The following TRMT9B variants were observed in gnomAD, a reference collection of about 807,000 sequenced individuals.
The protein encoded by TRMT9B is tRNA methyltransferase 9B (putative).
A neutral mutation model predicts 11.5 loss-of-function variants in TRMT9B; 16 were observed. The observed-to-expected ratio is 1.39, with a 90% CI of 0.94 to 2.11. The LOEUF is 2.11. Ranked by LOEUF, TRMT9B falls within the 30% of genes most tolerant of loss-of-function variation. The pLI is 0.00. For missense variants in TRMT9B, 941 were observed against 553.8 expected, an observed-to-expected ratio of 1.70 and a Z score of -7.02; for synonymous variants, 274 against 192.4, an observed-to-expected ratio of 1.42 and a Z score of -3.51.
rs60362859 is a variant in TRMT9B, at chr8:13,028,694, G to T, written c.*6650G>T. 2 of 151,302 alleles carry T rather than the reference G, an allele frequency of 1.3e-5. No individual in the cohort carries two copies. Among genetic ancestry groups the T allele is most frequent in the African/African-American group, 2.5e-5 (1 of 40,644 alleles). The allele number at this position is 151,302 out of a possible 1,614,324, so 9.4% of individuals were successfully genotyped here. Reference sequence around the variant, plus strand: ...AGGTTTAAGCAATTCTCGTGCCTCAGCCTCCTGAATAGCTGGGATTACAGG... The same window carrying T: ...AGGTTTAAGCAATTCTCGTGCCTCATCCTCCTGAATAGCTGGGATTACAGG... On this transcript the variant is annotated 3_prime_UTR_variant, in exon 5 of 5. Coordinates refer to ENST00000524591, the MANE Select transcript of TRMT9B (RefSeq NM_020844.3).
rs188776917 is a variant in TRMT9B, at chr8:12,973,008, C to T, written c.-199-17826C>T. On this transcript the variant is annotated intron_variant, in intron 1 of 4. Coordinates refer to ENST00000524591, the MANE Select transcript of TRMT9B (RefSeq NM_020844.3). ...CCCTTTTACCCTGACTCCCCAGGCC[C>T]TGGGAGCCACCATTCTGCTTTCTGT... Among the ~76,000 whole-genome samples, 3 of 152,294 alleles carry T rather than the reference C, an allele frequency of 2.0e-5. No homozygotes were observed. The East Asian group carries it at 5.8e-4, about 29-fold the overall frequency.
intron 1 of TRMT9B, among the ~76,000 whole-genome samples, chr8:12,958,932 C>T (rs569396176): frequency 9.9e-5 from 15 of 152,018 alleles, no homozygotes; most frequent in East Asian, 9.7e-4. Context: ...CATCACACAC[C>T]GGGGCTTGTC....
intron 3 of TRMT9B, chr8:13,010,267 A>G: frequency 7.8e-6 from 7 of 898,106 alleles, no homozygotes; most frequent in Non-Finnish European, 9.3e-6. Context: ...CATTTTTTAA[A>G]CTATTCAATA....
chr8:12,978,722 C>T (rs183682818), intron 1 of TRMT9B, among the ~76,000 whole-genome samples: 9 of 152,266 alleles, frequency 5.9e-5, no homozygotes, highest in Middle Eastern at 6.8e-3. Context: ...ACATACACAG[C>T]GTCTCAACTC....
intron 1 of TRMT9B, among the ~76,000 whole-genome samples, chr8:12,973,528 T>C (rs1563337641): frequency 2.0e-5 from 3 of 152,152 alleles, no homozygotes; most frequent in Non-Finnish European, 2.9e-5. Context: ...CTACTTTCAC[T>C]GAAGAGAGAA....
Position 13,006,256 on chromosome 8 carries a change from G to A in TRMT9B, c.54G>A (p.Glu18=), listed in dbSNP as rs765404546. 108 of 1,613,862 alleles carry A rather than the reference G, an allele frequency of 6.7e-5. No homozygotes were observed. Among genetic ancestry groups the A allele is most frequent in the Admixed American group, 2.3e-4 (14 of 59,992 alleles). Residue 18 remains glutamate, a synonymous_variant, in exon 3 of 5, where the codon GAG becomes GAA. Transcript: ENST00000524591. ...AGCAGCATGTGCACAATGTGTACGA[G>A]AGCACAGCCCCTTACTTCAGCGACC... The part of the protein sequence containing the change: ...LEKQHVHNVY[E]STAPYFSDLQ...
intron 3 of TRMT9B, chr8:13,011,561 G>C: frequency 1.1e-6 from 1 of 935,284 alleles, no homozygotes; most frequent in Non-Finnish European, 1.3e-6. Context: ...ATATATCTGT[G>C]ATAGAATATA....
At chr8:13,015,446 G>A (rs1015058405) in intron 4 of TRMT9B, among the ~76,000 whole-genome samples, 1 of 151,960 alleles carries the variant, frequency 6.6e-6, no homozygotes, top group Non-Finnish European at 1.5e-5. Context: ...CTACCTCCTG[G>A]TCTCAGGTTA....
At chr8:12,962,199 T>A (rs1802211354) in intron 1 of TRMT9B, 1 of 152,410 alleles carries the variant, frequency 6.6e-6, no homozygotes, top group Non-Finnish European at 1.5e-5. Flanking sequence ...CTTGCTTTGC[T>A]AGGACACCAT....
At chr8:12,961,700 CAAAAA>C (rs756821000) in intron 1 of TRMT9B, 8 of 51,532 alleles carry the variant, frequency 1.6e-4, no homozygotes, top group East Asian at 5.4e-4. Flanking sequence ...GACTCCATCT[CAAAAA>C]AAAAAAAAAA....
In TRMT9B at chr8:13,021,910, T is replaced by C. The variant is rs559124219; in HGVS notation, c.1231T>C (p.Tyr411His). Residue 411 changes from tyrosine (Y) to histidine (H), a missense_variant, in exon 5 of 5, where the codon TAC (tyrosine) becomes CAC (histidine). By Grantham distance (83) the Tyr-to-His change is moderately conservative. Transcript: ENST00000524591. Reference sequence around the variant, plus strand: ...TTTGGACTCCACAGCCTTTATGCGCTACTACCATGTGTTTCGAGAAGGGGA... The same window carrying C: ...TTTGGACTCCACAGCCTTTATGCGCCACTACCATGTGTTTCGAGAAGGGGA... Reference protein sequence around the residue: ...DVLDSTAFMRYYHVFREGELC... With the variant: ...DVLDSTAFMRHYHVFREGELC... 3.7e-6 allele frequency: 6 copies of C among 1,613,830 alleles called. No homozygotes were observed. Among genetic ancestry groups the C allele is most frequent in the South Asian group, 1.1e-5 (1 of 91,072 alleles).
At chr8:13,012,620 G>C (rs997078114) in intron 3 of TRMT9B, 64 bp from the exon 4 acceptor site, 2 of 1,503,776 alleles carry the variant, frequency 1.3e-6, no homozygotes, top group Non-Finnish European at 1.8e-6. Context: ...CTTGTTATGA[G>C]ACAAATGAAG....
At chr8:13,005,594 A>T (rs1196982670) in intron 2 of TRMT9B, among the ~76,000 whole-genome samples, 1 of 152,220 alleles carries the variant, frequency 6.6e-6, no homozygotes, top group African/African-American at 2.4e-5. Context: ...ATAAATAAAT[A>T]AGAAGCAACA....
chr8:12,974,060 A>G (rs1017537049), intron 1 of TRMT9B, among the ~76,000 whole-genome samples: 4 of 152,074 alleles, frequency 2.6e-5, no homozygotes, highest in East Asian at 3.9e-4. Flanking sequence ...AGTCCCAGCT[A>G]CTCAGAAGGC....
chr8:12,999,375 T>C (rs1264943821), intron 2 of TRMT9B, among the ~76,000 whole-genome samples: 1 of 151,386 alleles, frequency 6.6e-6, no homozygotes, highest in East Asian at 1.9e-4. Context: ...GGGTGATTTA[T>C]TGGGGGAAGG....
intron 1 of TRMT9B, among the ~76,000 whole-genome samples, chr8:12,977,214 T>C (rs1804592183): frequency 6.6e-6 from 1 of 152,184 alleles, no homozygotes; most frequent in African/African-American, 2.4e-5. Context: ...CTTTGCATAA[T>C]GCCATGGGCT....
chr8:13,013,335 A>G (rs1298823565), intron 4 of TRMT9B, among the ~76,000 whole-genome samples: 2 of 152,206 alleles, frequency 1.3e-5, no homozygotes, highest in Non-Finnish European at 2.9e-5. Context: ...TGGAGAAGGT[A>G]GGTCCCATCT....
At position 12,958,035 on chromosome 8, in the gene TRMT9B, G is replaced by T. The variant is rs118038117; in HGVS notation, c.-200+12069G>T. Among the ~76,000 whole-genome samples, 798 of 152,076 alleles carry T rather than the reference G, an allele frequency of 5.2e-3. 6 individuals carry two copies. The highest frequency in any genetic ancestry group is 9.2e-3 in the Non-Finnish European group (623 of 68,000). On this transcript the variant is annotated intron_variant, in intron 1 of 4. Coordinates refer to ENST00000524591, the MANE Select transcript of TRMT9B (RefSeq NM_020844.3). ...ATAGTATATTAGTCCGTTTTCACCC[G>T]GCTGATAAAGACATACCCGAGACTG...
Position 13,006,220 on chromosome 8 carries a change from C to G in TRMT9B, c.18C>G (p.Ala6=). ...TCTCCAGGATGGATCATGAAGCCGC[C>G]CAGCTGGAGAAGCAGCATGTGCACA... The part of the protein sequence containing the change: MDHEA[A]QLEKQHVHNV... Residue 6 remains alanine (A), a synonymous_variant, in exon 3 of 5, where the codon GCC becomes GCG. Transcript: ENST00000524591. 6.2e-7 allele frequency: 1 copy of G among 1,613,938 alleles called. No individual in the cohort carries two copies. Among genetic ancestry groups the G allele is most frequent in the Non-Finnish European group, 8.5e-7 (1 of 1,179,866 alleles).
Sources: gnomAD v4.1 joint callset for allele counts (sites outside exome capture counted in the v4.1 genomes callset) on GRCh38, gnomAD v4.1.1 for gene constraint, MANE v1.5 for transcripts, NCBI Gene and HGNC (gene_info 2026-07-23, HGNC 2026-07-21) for gene names.